UPP2: variants seen among roughly 807,000 people sequenced by gnomAD.
UPP2 encodes the protein uridine phosphorylase 2, also known as UPase 2.
In UPP2, 23 loss-of-function variants were observed where a neutral mutation model predicts 26.7. The observed-to-expected ratio is 0.86, with a 90% CI of 0.62 to 1.22. The LOEUF (loss-of-function observed/expected upper bound fraction) is 1.22. Ranked by LOEUF, UPP2 falls within the 50% of genes most tolerant of loss-of-function variation. The probability of loss-of-function intolerance (pLI) is 0.00; values close to 1 mark genes in which losing one functional copy is unlikely to be tolerated. For missense variants in UPP2, 387 were observed against 396.7 expected (o/e 0.98, Z 0.21); for synonymous variants, 127 against 141.3 (o/e 0.90, Z 0.72).
intron 3 of UPP2, among the ~76,000 whole-genome samples, chr2:158,058,156 T>G (rs1263142993): frequency 2.6e-5 from 4 of 151,854 alleles, no homozygotes; most frequent in Non-Finnish European, 4.4e-5. Context: ...AGCTGGGTAT[T>G]GTGGCGTGCG....
At chr2:157,999,883 A>C (rs1683378655) in intron 2 of UPP2, among the ~76,000 whole-genome samples, 1 of 152,220 alleles carries the variant, frequency 6.6e-6, no homozygotes, top group Non-Finnish European at 1.5e-5. Context: ...AGAGAATAAG[A>C]GAAGTACACT....
At chr2:158,052,252 C>A (rs1196351269) in intron 3 of UPP2, among the ~76,000 whole-genome samples, 4 of 152,058 alleles carry the variant, frequency 2.6e-5, no homozygotes, top group African/African-American at 4.8e-5. Context: ...GAATTGGAAC[C>A]CAACAATGAG....
At chr2:158,075,168 T>C (rs535643866) in intron 3 of UPP2, among the ~76,000 whole-genome samples, 1 of 152,202 alleles carries the variant, frequency 6.6e-6, no homozygotes, top group African/African-American at 2.4e-5. Context: ...CCCAATACAG[T>C]AATAGCTGAA....
intron 2 of UPP2, among the ~76,000 whole-genome samples, chr2:158,112,377 G>A (rs1351035418): frequency 6.6e-6 from 1 of 151,990 alleles, no homozygotes; most frequent in South Asian, 2.1e-4. Context: ...TCTTCAAATG[G>A]TGCTGGGACA....
In UPP2 at chr2:158,134,760, G is replaced by A. The variant is rs1558944417; in HGVS notation, c.824G>A (p.Cys275Tyr). 3 of 1,611,320 alleles carry A rather than the reference G, an allele frequency of 1.9e-6. No individual in the cohort carries two copies. Among genetic ancestry groups the A allele is most frequent in the Admixed American group, 3.4e-5 (2 of 59,556 alleles). Residue 275 changes from cysteine (C) to tyrosine (Y), a missense_variant, in exon 7 of 7, where the codon TGT becomes TAT. By Grantham distance (194) the Cys-to-Tyr change is radical. Transcript: ENST00000005756. ...GLCGLKAAVV[C>Y]VTLLDRLDCD... is the part of the protein sequence containing the mutation. ...ATTGCTCTTCTAGCTGCTGTGGTCT[G>A]TGTGACACTTCTCGACAGACTCGAC...
intron 3 of UPP2, among the ~76,000 whole-genome samples, chr2:158,032,926 C>G (rs1176250489): frequency 1.3e-5 from 2 of 152,140 alleles, no homozygotes; most frequent in Non-Finnish European, 2.9e-5. Context: ...TTTTCCTGAC[C>G]TCTTTCATCT....
intron 2 of UPP2, among the ~76,000 whole-genome samples, chr2:158,005,554 TA>T (rs1683475110): frequency 6.6e-6 from 1 of 152,188 alleles, no homozygotes; most frequent in South Asian, 2.1e-4. Flanking sequence ...AGCTTGAGCT[TA>T]AGGCTCTTTG....
chr2:158,072,404 T>C (rs1435535540), intron 3 of UPP2, among the ~76,000 whole-genome samples: 1 of 152,166 alleles, frequency 6.6e-6, no homozygotes, highest in East Asian at 1.9e-4. Context: ...CTGGGGAAAC[T>C]TGCTGCCCTA....
At chr2:158,053,366 C>A (rs1682189767) in intron 3 of UPP2, among the ~76,000 whole-genome samples, 1 of 152,098 alleles carries the variant, frequency 6.6e-6, no homozygotes, top group Non-Finnish European at 1.5e-5. Context: ...TTAGTACACC[C>A]CAAATTCTCA....
intron 2 of UPP2, among the ~76,000 whole-genome samples, chr2:158,007,561 G>T (rs546698767): frequency 6.6e-6 from 1 of 151,990 alleles, no homozygotes; most frequent in Non-Finnish European, 1.5e-5. Flanking sequence ...TTTTAACACC[G>T]GCCAGTTCCT....
intron 2 of UPP2, among the ~76,000 whole-genome samples, chr2:158,004,198 A>G (rs1227099930): frequency 6.6e-6 from 1 of 152,166 alleles, no homozygotes; most frequent in Non-Finnish European, 1.5e-5. Context: ...TAAAATTAGT[A>G]AATCTTGCTA....
At chr2:158,043,070 T>C (rs1426415663) in intron 3 of UPP2, among the ~76,000 whole-genome samples, 1 of 152,236 alleles carries the variant, frequency 6.6e-6, no homozygotes, top group Non-Finnish European at 1.5e-5. Context: ...GAGATCCCCT[T>C]GGGAAACCAC....
Position 158,123,884 on chromosome 2 carries a change from G to C in UPP2, c.800G>C (p.Cys267Ser). Residue 267 changes from cysteine to serine, a missense_variant, in exon 6 of 7, where the codon TGT becomes TCT. Transcript: ENST00000005756. ...GTGTTTGCAGCTATGTGTGGACTCT[G>C]TGGTCTAAAAGGTAAGCTTTTCGTG... ...STVFAAMCGLCGLKAAVVCVT... is the reference protein window; with the variant it reads ...STVFAAMCGLSGLKAAVVCVT... 6.2e-7 allele frequency: 1 copy of C among 1,613,014 alleles called. No homozygotes were observed. Among genetic ancestry groups the C allele is most frequent in the Non-Finnish European group, 8.5e-7 (1 of 1,179,210 alleles).
At chr2:158,101,017 T>C (rs1683066387), upstream of UPP2, among the ~76,000 whole-genome samples, 1 of 152,196 alleles carries the variant, frequency 6.6e-6, no homozygotes, top group Non-Finnish European at 1.5e-5. Context: ...TGATGCACAT[T>C]CTTGGAAAGA....
chr2:158,041,736 T>G (rs1229417476), intron 3 of UPP2, among the ~76,000 whole-genome samples: 2 of 152,232 alleles, frequency 1.3e-5, no homozygotes, highest in African/African-American at 2.4e-5. Flanking sequence ...TTAGTGAATC[T>G]TTTTCTGTCC....
At chr2:158,043,205 T>A (rs1684104764) in intron 3 of UPP2, among the ~76,000 whole-genome samples, 1 of 152,104 alleles carries the variant, frequency 6.6e-6, no homozygotes, top group Non-Finnish European at 1.5e-5. Context: ...CAATGAGAAA[T>A]CTTAGGGGTC....
At chr2:158,134,171 G>A (rs1337462969) in intron 6 of UPP2, among the ~76,000 whole-genome samples, 1 of 152,008 alleles carries the variant, frequency 6.6e-6, no homozygotes, top group African/African-American at 2.4e-5. Context: ...TTACATTTAA[G>A]CATTTCATAT....
chr2:158,133,880 C>T (rs1272708521), intron 6 of UPP2: 1 of 152,190 alleles, frequency 6.6e-6, no homozygotes, highest in Non-Finnish European at 1.5e-5. Context: ...GATTATTACA[C>T]CGTTAGCAAT....
rs192139303 is a variant in UPP2, at chr2:157,997,407, T to C, written c.61+2148T>C. 3.9e-5 allele frequency among the ~76,000 whole-genome samples: 6 copies of C among 152,330 alleles called. No homozygotes were observed. The East Asian group carries it at 1.2e-3, about 29-fold the overall frequency. On this transcript the variant is annotated intron_variant, in intron 2 of 9. Coordinates refer to the UPP2 transcript ENST00000605860. ...CTAAAATTGGATGTTAATATTTTTT[T>C]GGAAACTTGTTGCCTGGTAGTAATA...
Sources: allele counts gnomAD v4.1 joint callset (sites outside exome capture counted in the v4.1 genomes callset), GRCh38; gene constraint gnomAD v4.1.1; transcripts MANE v1.5; gene names NCBI Gene and HGNC (gene_info 2026-07-23, HGNC 2026-07-21).